The following ETFA variants were observed in gnomAD, a reference collection of about 807,000 sequenced individuals.
The protein encoded by ETFA is electron transfer flavoprotein subunit alpha.
In ETFA, 22 loss-of-function variants were observed where a neutral mutation model predicts 46.2. The observed-to-expected ratio is 0.48, with a 90% CI of 0.34 to 0.68. ETFA has a LOEUF of 0.68. ETFA is among the 30% of genes least tolerant of loss of function. ETFA has a pLI of 0.01. For missense variants in ETFA, 345 were observed against 401.1 expected (o/e 0.86, Z 1.19); for synonymous variants, 131 against 139.9 (o/e 0.94, Z 0.45).
intron 9 of ETFA, among the ~76,000 whole-genome samples, chr15:76,239,503 T>A (rs1235766745): frequency 1.3e-5 from 2 of 152,132 alleles, no homozygotes; most frequent in Non-Finnish European, 2.9e-5. Flanking sequence ...TCATCCAGCA[T>A]AACAAATTTT....
chr15:76,311,314 G>T (rs1251469619), intron 1 of ETFA, 36 bp downstream of exon 1: 3 of 1,549,762 alleles, frequency 1.9e-6, no homozygotes, highest in East Asian at 4.9e-5. Context: ...TTGACGGGGG[G>T]CCGTCCCTGG....
chr15:76,250,150 A>C (rs2039283545), intron 9 of ETFA, among the ~76,000 whole-genome samples: 1 of 152,350 alleles, frequency 6.6e-6, no homozygotes, highest in South Asian at 2.1e-4. Context: ...AATACCATAC[A>C]TAAATGAAAT....
At chr15:76,298,431 A>G in intron 1 of ETFA, among the ~76,000 whole-genome samples, 1 of 152,222 alleles carries the variant, frequency 6.6e-6, no homozygotes. Context: ...GGGACTAGGC[A>G]TGTACAGCTG....
chr15:76,217,764 G>A (rs2038912560), intron 11 of ETFA: 2 of 354,176 alleles, frequency 5.6e-6, no homozygotes, highest in South Asian at 4.0e-5. Context: ...AGGGGCTTTC[G>A]GCTGCCTTAG....
chr15:76,268,804 A>G (rs779025441), intron 9 of ETFA, among the ~76,000 whole-genome samples: 4 of 152,258 alleles, frequency 2.6e-5, no homozygotes, highest in African/African-American at 4.8e-5. Context: ...GATCACCAAC[A>G]GGCAATTAAG....
intron 1 of ETFA, among the ~76,000 whole-genome samples, chr15:76,301,840 A>G (rs1324000442): frequency 6.6e-6 from 1 of 152,252 alleles, no homozygotes; most frequent in African/African-American, 2.4e-5. Flanking sequence ...AGAACCCTTA[A>G]AAGTCAACAT....
intron 8 of ETFA, among the ~76,000 whole-genome samples, chr15:76,282,064 A>C (rs1221399306): frequency 1.3e-5 from 2 of 151,700 alleles, no homozygotes. Context: ...CCACCACATC[A>C]AACTAATTTT....
chr15:76,309,704 T>C (rs2039970998), intron 1 of ETFA, among the ~76,000 whole-genome samples: 1 of 152,178 alleles, frequency 6.6e-6, no homozygotes, highest in Admixed American at 6.5e-5. Flanking sequence ...GCCAGACTTG[T>C]AATCTGTCCA....
At position 76,264,921 on chromosome 15, in the gene ETFA, A is replaced by C. The variant is rs2039454834; in HGVS notation, c.816+9491T>G. 2.6e-5 allele frequency among the ~76,000 whole-genome samples: 4 copies of C among 152,366 alleles called. No homozygotes were observed. The South Asian group carries it at 8.3e-4, about 32-fold the overall frequency. ...AGTCCTGGTGTATGTCCCTGGTGTAAGAAAGGCAATCACTGGGCAAATCAG... is the reference window on the plus strand; with the variant it reads ...AGTCCTGGTGTATGTCCCTGGTGTACGAAAGGCAATCACTGGGCAAATCAG... On this transcript the variant is annotated intron_variant, in intron 9 of 11. Coordinates refer to ENST00000557943, the MANE Select transcript of ETFA (RefSeq NM_000126.4).
intron 1 of ETFA, among the ~76,000 whole-genome samples, chr15:76,297,640 T>C (rs975270594): frequency 7.2e-5 from 11 of 152,156 alleles, no homozygotes; most frequent in East Asian, 1.9e-4. Flanking sequence ...TAAGGAACCA[T>C]CAAGCTTTTA....
intron 11 of ETFA, among the ~76,000 whole-genome samples, chr15:76,221,944 G>A (rs982310886): frequency 4.1e-4 from 63 of 152,132 alleles, no homozygotes; most frequent in African/African-American, 1.5e-3. Flanking sequence ...TACTTGGTGA[G>A]CAAAATATCA....
chr15:76,277,606 G>A (rs1237444882), intron 8 of ETFA, among the ~76,000 whole-genome samples: 2 of 152,116 alleles, frequency 1.3e-5, no homozygotes, highest in Non-Finnish European at 1.5e-5. Context: ...GGATTCAAGC[G>A]ATTCTTCTGC....
At chr15:76,271,574 A>G (rs926007109) in intron 9 of ETFA, among the ~76,000 whole-genome samples, 3 of 152,242 alleles carry the variant, frequency 2.0e-5, no homozygotes, top group Non-Finnish European at 2.9e-5. Flanking sequence ...ACTCTGCACT[A>G]TATCCTTTTG....
At chr15:76,273,566 A>G (rs2039561838) in intron 9 of ETFA, among the ~76,000 whole-genome samples, 2 of 151,754 alleles carry the variant, frequency 1.3e-5, no homozygotes. Flanking sequence ...ACAAAACAAA[A>G]CAAAACAAAA....
chr15:76,246,757 C>T (rs1438758152), intron 9 of ETFA, among the ~76,000 whole-genome samples: 4 of 151,510 alleles, frequency 2.6e-5, no homozygotes, highest in East Asian at 1.9e-4. Context: ...GGCATGAACC[C>T]GGGAGGTGGA....
At chr15:76,309,256 C>T (rs185914387) in intron 1 of ETFA, among the ~76,000 whole-genome samples, 35 of 152,182 alleles carry the variant, frequency 2.3e-4, no homozygotes, top group African/African-American at 7.0e-4. Flanking sequence ...GAGACCATAC[C>T]GGCTAACACA....
intron 1 of ETFA, among the ~76,000 whole-genome samples, chr15:76,303,775 T>C (rs2039906625): frequency 6.6e-6 from 1 of 152,238 alleles, no homozygotes; most frequent in South Asian, 2.1e-4. Context: ...AGAATGGCTA[T>C]TATTTAAAAC....
intron 8 of ETFA, among the ~76,000 whole-genome samples, chr15:76,276,512 G>A (rs140508456): frequency 0.016 from 2,359 of 152,190 alleles, 23 homozygotes; most frequent in Middle Eastern, 0.031. Context: ...TCCTCAGTCA[G>A]ATATTGCTTC....
chr15:76,279,272 T>G (rs144574774), intron 8 of ETFA, among the ~76,000 whole-genome samples: 65 of 152,244 alleles, frequency 4.3e-4, no homozygotes, highest in African/African-American at 1.4e-3. Context: ...CCACTACCTA[T>G]GCCTTTTATT....
Sources: gnomAD v4.1 joint callset for allele counts (sites outside exome capture counted in the v4.1 genomes callset) on GRCh38, gnomAD v4.1.1 for gene constraint, MANE v1.5 for transcripts, NCBI Gene and HGNC (gene_info 2026-07-23, HGNC 2026-07-21) for gene names.